The following BMPR1B variants were observed in gnomAD, a reference collection of about 807,000 sequenced individuals.
BMPR1B encodes bone morphogenetic protein receptor type 1B, also known as bone morphogenetic protein receptor type-1B.
A neutral mutation model predicts 59.1 loss-of-function variants in BMPR1B; 12 were observed. The observed-to-expected ratio is 0.20, with a 90% CI of 0.13 to 0.33. The LOEUF is 0.33. BMPR1B is among the 10% of genes least tolerant of loss of function. The pLI is 1.00. For synonymous variants in BMPR1B, 237 were observed against 207.3 expected (o/e 1.14, Z -1.23); for missense variants, 550 against 610.9 (o/e 0.90, Z 1.05).
intron 2 of BMPR1B, among the ~76,000 whole-genome samples, chr4:94,890,361 TTCTC>T (rs1358998734): frequency 1.3e-5 from 2 of 152,070 alleles, no homozygotes; most frequent in African/African-American, 2.4e-5. Flanking sequence ...AAATGTAAAA[TTCTC>T]TCTCTCTTTC....
intron 1 of BMPR1B, among the ~76,000 whole-genome samples, chr4:94,823,428 TG>T (rs1560501504): frequency 6.6e-6 from 1 of 152,136 alleles, no homozygotes; most frequent in African/African-American, 2.4e-5. Context: ...GAGAAAAGGC[TG>T]GGGGCAAAGC....
chr4:95,109,453 G>T (rs1731452647), intron 4 of BMPR1B, among the ~76,000 whole-genome samples: 1 of 152,038 alleles, frequency 6.6e-6, no homozygotes, highest in Non-Finnish European at 1.5e-5. Flanking sequence ...TGAGTGTGGT[G>T]GTATGTTTTC....
intron 2 of BMPR1B, among the ~76,000 whole-genome samples, chr4:94,887,955 C>G (rs1329550221): frequency 1.3e-5 from 2 of 151,932 alleles, no homozygotes; most frequent in African/African-American, 4.8e-5. Context: ...CCTGTTTCAA[C>G]AATGATCATA....
chr4:95,022,397 A>G (rs1272258116), intron 3 of BMPR1B, among the ~76,000 whole-genome samples: 3 of 152,176 alleles, frequency 2.0e-5, no homozygotes, highest in Admixed American at 6.5e-5. Context: ...AACAATCAAC[A>G]TTTTTCAAAT....
chr4:95,095,496 A>G (rs1730302476), intron 3 of BMPR1B, among the ~76,000 whole-genome samples: 1 of 152,094 alleles, frequency 6.6e-6, no homozygotes, highest in Non-Finnish European at 1.5e-5. Context: ...CTGGACATTT[A>G]AAGTGCAAAC....
intron 2 of BMPR1B, among the ~76,000 whole-genome samples, chr4:94,902,087 G>GTGTGTGTGTGTGTGT (rs1491111955): frequency 3.1e-5 from 4 of 128,588 alleles, no homozygotes; most frequent in African/African-American, 9.6e-5. Context: ...GTGTGTGTGT[G>GTGTGTGTGTGTGTGT]GGGTGTATTT....
intron 3 of BMPR1B, among the ~76,000 whole-genome samples, chr4:95,103,852 T>C (rs1730993683): frequency 6.6e-6 from 1 of 152,248 alleles, no homozygotes; most frequent in African/African-American, 2.4e-5. Context: ...GTTTTTGTCT[T>C]CTTACCCAAT....
intron 2 of BMPR1B, among the ~76,000 whole-genome samples, chr4:94,984,245 T>C (rs1331358366): frequency 6.6e-6 from 1 of 152,218 alleles, no homozygotes. Flanking sequence ...ATTTACTCTT[T>C]TTGATAAACT....
intron 12 of BMPR1B, among the ~76,000 whole-genome samples, chr4:95,153,844 CAAAT>C (rs1735228507): frequency 6.7e-6 from 1 of 149,982 alleles, no homozygotes; most frequent in Non-Finnish European, 1.5e-5. Flanking sequence ...TGTCTTAAAA[CAAAT>C]AAACAAACAA....
At chr4:95,140,708 C>G (rs1306878124) in intron 10 of BMPR1B, among the ~76,000 whole-genome samples, 2 of 152,104 alleles carry the variant, frequency 1.3e-5, no homozygotes, top group Non-Finnish European at 2.9e-5. Context: ...TACATGCCAG[C>G]TTAATTAATA....
chr4:95,048,412 C>A (rs774341434), intron 3 of BMPR1B, among the ~76,000 whole-genome samples: 25 of 152,234 alleles, frequency 1.6e-4, no homozygotes, highest in Admixed American at 4.6e-4. Flanking sequence ...AATTTATATT[C>A]CCACAAGCAA....
At chr4:94,874,381 C>G (rs1281759334) in intron 1 of BMPR1B, among the ~76,000 whole-genome samples, 1 of 152,058 alleles carries the variant, frequency 6.6e-6, no homozygotes, top group Non-Finnish European at 1.5e-5. Context: ...TTGCTATAGT[C>G]TTATTTTTGA....
chr4:94,981,964 C>T (rs1721110588), intron 2 of BMPR1B, among the ~76,000 whole-genome samples: 2 of 152,142 alleles, frequency 1.3e-5, no homozygotes, highest in African/African-American at 4.8e-5. Context: ...AGAACACACA[C>T]TAGTGGAATC....
At chr4:94,803,777 C>A (rs2110626565) in intron 1 of BMPR1B, among the ~76,000 whole-genome samples, 1 of 152,196 alleles carries the variant, frequency 6.6e-6, no homozygotes, top group East Asian at 1.9e-4. Flanking sequence ...ATATGCATTT[C>A]TTCTAGATAA....
chr4:94,852,121 A>G (rs905346513), intron 1 of BMPR1B, among the ~76,000 whole-genome samples: 2 of 152,154 alleles, frequency 1.3e-5, no homozygotes, highest in African/African-American at 4.8e-5. Flanking sequence ...ATTTCTTACA[A>G]ATACAAAATG....
chr4:95,127,183 TATAGTC>T (rs1732969171), intron 8 of BMPR1B, among the ~76,000 whole-genome samples: 1 of 152,084 alleles, frequency 6.6e-6, no homozygotes, highest in South Asian at 2.1e-4. Flanking sequence ...AAAGTACAGT[TATAGTC>T]ATTGTATCTT....
intron 2 of BMPR1B, among the ~76,000 whole-genome samples, chr4:94,948,997 A>T (rs1729826064): frequency 6.6e-6 from 1 of 152,172 alleles, no homozygotes; most frequent in Non-Finnish European, 1.5e-5. Flanking sequence ...ATTATACTTT[A>T]AGTTCTGGGA....
chr4:94,809,345 T>G (rs1276073959), intron 1 of BMPR1B, among the ~76,000 whole-genome samples: 1 of 152,206 alleles, frequency 6.6e-6, no homozygotes, highest in African/African-American at 2.4e-5. Context: ...TATGCTGTAC[T>G]TAGAATACTC....
chr4:95,024,534 C>T (rs768986336), intron 3 of BMPR1B, among the ~76,000 whole-genome samples: 5 of 152,114 alleles, frequency 3.3e-5, no homozygotes, highest in Non-Finnish European at 5.9e-5. Flanking sequence ...GGCTTATTGT[C>T]ACATCATAAA....
Sources: allele counts gnomAD v4.1 joint callset (sites outside exome capture counted in the v4.1 genomes callset), GRCh38; gene constraint gnomAD v4.1.1; transcripts MANE v1.5; gene names NCBI Gene and HGNC (gene_info 2026-07-23, HGNC 2026-07-21).